Variants in TRPM3 observed in about 807,000 individuals in gnomAD.
TRPM3 encodes long transient receptor potential channel 3.
In TRPM3, 77 loss-of-function variants were observed where a neutral mutation model predicts 181.2. That is an observed-to-expected ratio of 0.42 (90% CI 0.35 to 0.51). TRPM3 has a LOEUF of 0.51. Among genes scored for constraint, TRPM3 ranks in the 20% least tolerant of loss-of-function variants. The pLI is 0.01. For missense variants in TRPM3, 1,759 were observed against 2,196.7 expected (o/e 0.80, Z 3.98); for synonymous variants, 745 against 796.4 (o/e 0.94, Z 1.09).
At chr9:70,995,940 G>T (rs1021922127) in intron 1 of TRPM3, among the ~76,000 whole-genome samples, 1 of 152,044 alleles carries the variant, frequency 6.6e-6, no homozygotes, top group African/African-American at 2.4e-5. Context: ...TAATTCCCTG[G>T]AGCCTTAGGC....
At chr9:70,670,016 T>C (rs1008262095) in intron 9 of TRPM3, among the ~76,000 whole-genome samples, 1 of 152,106 alleles carries the variant, frequency 6.6e-6, no homozygotes, top group Non-Finnish European at 1.5e-5. Flanking sequence ...AGATTACAGG[T>C]GTGAGCCACT....
chr9:70,865,728 T>C (rs778746359), intron 1 of TRPM3, among the ~76,000 whole-genome samples: 30 of 152,078 alleles, frequency 2.0e-4, no homozygotes, highest in South Asian at 8.3e-4. Context: ...CCGAAGGCAG[T>C]AATTGCCTAA....
At chr9:70,609,907 T>TAA (rs111684042) in intron 19 of TRPM3, among the ~76,000 whole-genome samples, 4 of 144,868 alleles carry the variant, frequency 2.8e-5, no homozygotes, top group African/African-American at 1.0e-4. Context: ...AAGCTCATCT[T>TAA]AAAAAAAAAA....
At chr9:71,066,484 A>G (rs1167209249) in intron 1 of TRPM3, among the ~76,000 whole-genome samples, 1 of 152,168 alleles carries the variant, frequency 6.6e-6, no homozygotes, top group Non-Finnish European at 1.5e-5. Context: ...GTCATAAATA[A>G]TGGATTCTAT....
intron 9 of TRPM3, 43 bp downstream of exon 9, chr9:70,681,463 C>T (rs761338948): frequency 2.1e-5 from 32 of 1,511,568 alleles, no homozygotes; most frequent in Admixed American, 3.4e-5. Context: ...TGTATTAATT[C>T]GTTTAAATTA....
chr9:71,358,332 A>T (rs957580583), intron 1 of TRPM3, among the ~76,000 whole-genome samples: 2 of 152,176 alleles, frequency 1.3e-5, no homozygotes, highest in African/African-American at 2.4e-5. Flanking sequence ...TTCAATCCCC[A>T]CATAGATCTG....
intron 1 of TRPM3, among the ~76,000 whole-genome samples, chr9:70,920,629 G>A (rs954937834): frequency 6.6e-6 from 1 of 151,750 alleles, no homozygotes; most frequent in Non-Finnish European, 1.5e-5. Context: ...AGGATTAAGA[G>A]GAAATCACAT....
At chr9:71,445,525 AT>A (rs1243033050) in intron 1 of TRPM3, among the ~76,000 whole-genome samples, 1 of 152,246 alleles carries the variant, frequency 6.6e-6, no homozygotes, top group African/African-American at 2.4e-5. Flanking sequence ...ATTTCATAAC[AT>A]TTTTGTAAAC....
At chr9:70,687,421 T>C (rs1421955459) in intron 8 of TRPM3, among the ~76,000 whole-genome samples, 4 of 152,258 alleles carry the variant, frequency 2.6e-5, no homozygotes, top group Non-Finnish European at 5.9e-5. Context: ...ACTATAAAAT[T>C]GGTATTTTCA....
intron 1 of TRPM3, among the ~76,000 whole-genome samples, chr9:71,306,106 A>C (rs72735807): frequency 0.02 from 3,062 of 152,288 alleles, 33 homozygotes; most frequent in Non-Finnish European, 0.029. Flanking sequence ...TTACATGCAC[A>C]CACTCTCAAG....
At chr9:71,328,568 A>G (rs548931653) in intron 1 of TRPM3, among the ~76,000 whole-genome samples, 1 of 152,172 alleles carries the variant, frequency 6.6e-6, no homozygotes, top group African/African-American at 2.4e-5. Flanking sequence ...ATTCTGAAAA[A>G]ATCCTTGGTA....
rs2095557834 is a variant in TRPM3, at chr9:70,862,917, G to A, written c.453C>T (p.Asn151=). Residue 151 remains asparagine, a synonymous_variant, in exon 3 of 26, where the codon AAC becomes AAT. Transcript: ENST00000677713. ...ATGGCTTTCTGATTACCATGGCTTT[G>A]TTGGAATGGCCACCTCCTTGGAACT... is the stretch of plus-strand genomic sequence containing the variant. ...TIEFQGGGHS[N]KAMYVRVSFD... 1 of 1,613,398 alleles carries A rather than the reference G, an allele frequency of 6.2e-7. No homozygotes were observed.
At chr9:71,327,844 C>G (rs1016574715) in intron 1 of TRPM3, among the ~76,000 whole-genome samples, 1 of 152,102 alleles carries the variant, frequency 6.6e-6, no homozygotes, top group African/African-American at 2.4e-5. Flanking sequence ...ACATTGACTG[C>G]TTCCAAAAAG....
chr9:70,936,661 G>T (rs1024945708), intron 1 of TRPM3, among the ~76,000 whole-genome samples: 1 of 152,130 alleles, frequency 6.6e-6, no homozygotes, highest in Non-Finnish European at 1.5e-5. Flanking sequence ...ACATGCTCCA[G>T]GGGCTTTTGT....
intron 8 of TRPM3, among the ~76,000 whole-genome samples, chr9:70,755,943 CATA>C (rs2077011318): frequency 1.3e-5 from 2 of 152,094 alleles, no homozygotes. Flanking sequence ...CAGCTAGCAT[CATA>C]ATAACAGGAT....
intron 1 of TRPM3, among the ~76,000 whole-genome samples, chr9:71,366,332 G>T (rs1035516192): frequency 6.6e-6 from 1 of 152,148 alleles, no homozygotes; most frequent in African/African-American, 2.4e-5. Context: ...GACACTTGGT[G>T]GGGGTACCTG....
At position 71,393,826 on chromosome 9, in the gene TRPM3, G is replaced by A. The variant is rs150671831; in HGVS notation, c.183+52827C>T. On this transcript the variant is annotated intron_variant, in intron 1 of 24. Transcript: ENST00000357533. ...AGATCATTAAGTTCCACTGAGACCAGCAAGTGACAGACATCTCAACGTCAC... is the reference window on the plus strand; with the variant it reads ...AGATCATTAAGTTCCACTGAGACCAACAAGTGACAGACATCTCAACGTCAC... Among the ~76,000 whole-genome samples, 42 of 152,252 alleles carry A rather than the reference G, an allele frequency of 2.8e-4. No homozygotes were observed. The East Asian group carries it at 7.5e-3, about 27-fold the overall frequency.
chr9:70,841,119 A>G (rs1011024181), intron 5 of TRPM3, among the ~76,000 whole-genome samples: 2 of 152,148 alleles, frequency 1.3e-5, no homozygotes, highest in African/African-American at 4.8e-5. Flanking sequence ...TCTTTAAGAC[A>G]CATATTTGTT....
At chr9:70,873,511 T>C (rs2095824585) in intron 1 of TRPM3, among the ~76,000 whole-genome samples, 1 of 152,018 alleles carries the variant, frequency 6.6e-6, no homozygotes, top group Non-Finnish European at 1.5e-5. Context: ...AACCAAATTA[T>C]TGATTATTCC....
Sources: gnomAD v4.1 joint callset for allele counts (sites outside exome capture counted in the v4.1 genomes callset) on GRCh38, gnomAD v4.1.1 for gene constraint, MANE v1.5 for transcripts, NCBI Gene and HGNC (gene_info 2026-07-23, HGNC 2026-07-21) for gene names.